PARM1: variants seen among roughly 807,000 people sequenced by gnomAD.
The protein encoded by PARM1 is WSC4, cell wall integrity and stress response component 4 homolog.
Under a neutral mutation model 24.6 loss-of-function variants are expected in PARM1, and 14 were observed. That is an observed-to-expected ratio of 0.57 (90% CI 0.38 to 0.89). The LOEUF (loss-of-function observed/expected upper bound fraction) is 0.89. Among genes scored for constraint, PARM1 ranks in the 40% least tolerant of loss-of-function variants. The pLI, the probability that PARM1 is intolerant of heterozygous loss-of-function variation, is 0.00. For synonymous variants in PARM1, 179 were observed against 156.6 expected (o/e 1.14, Z -1.07); for missense variants, 362 against 380.4 (o/e 0.95, Z 0.40).
intron 1 of PARM1, among the ~76,000 whole-genome samples, chr4:74,941,711 G>A (rs1439502456): frequency 3.3e-5 from 5 of 152,188 alleles, no homozygotes; most frequent in African/African-American, 4.8e-5. Flanking sequence ...AGGTAACCTC[G>A]GCATCATGAA....
intron 1 of PARM1, among the ~76,000 whole-genome samples, chr4:74,990,752 A>G (rs1375051637): frequency 4.6e-5 from 7 of 152,182 alleles, no homozygotes; most frequent in Admixed American, 3.9e-4. Context: ...CCAGATGGCA[A>G]AATTTTTCAC....
intron 1 of PARM1, among the ~76,000 whole-genome samples, chr4:74,962,797 T>C (rs915999077): frequency 6.6e-6 from 1 of 152,034 alleles, no homozygotes; most frequent in African/African-American, 2.4e-5. Flanking sequence ...GGGTGTAGAG[T>C]TTCAGTTTTG....
At chr4:74,979,088 A>T in intron 1 of PARM1, among the ~76,000 whole-genome samples, 1 of 152,016 alleles carries the variant, frequency 6.6e-6, no homozygotes, top group African/African-American at 2.4e-5. Context: ...AACTAACAGA[A>T]ATAAGAAACA....
At chr4:75,025,907 A>G (rs1723174910) in intron 2 of PARM1, among the ~76,000 whole-genome samples, 1 of 152,224 alleles carries the variant, frequency 6.6e-6, no homozygotes, top group Non-Finnish European at 1.5e-5. Context: ...ACTAGCATGT[A>G]GATAAGAGTA....
chr4:74,993,362 A>G (rs1277182624), intron 1 of PARM1, among the ~76,000 whole-genome samples: 1 of 152,070 alleles, frequency 6.6e-6, no homozygotes, highest in Non-Finnish European at 1.5e-5. Flanking sequence ...TTTCTTCCCC[A>G]ATTGAGCCTA....
At chr4:75,010,977 T>G (rs1722859207) in intron 1 of PARM1, among the ~76,000 whole-genome samples, 1 of 152,130 alleles carries the variant, frequency 6.6e-6, no homozygotes, top group Non-Finnish European at 1.5e-5. Context: ...CTCATGGAGC[T>G]TTACTTATGG....
At chr4:75,006,921 A>G (rs1402271912) in intron 1 of PARM1, among the ~76,000 whole-genome samples, 2 of 152,222 alleles carry the variant, frequency 1.3e-5, no homozygotes, top group Non-Finnish European at 2.9e-5. Context: ...AGAAACTACC[A>G]TCAGAGTGAA....
rs143243397 is a variant in PARM1 at position 75,017,212 on chromosome 4, A to G, written c.769+4062A>G. Among the ~76,000 whole-genome samples, 272 of 152,200 alleles carry G rather than the reference A, an allele frequency of 1.8e-3. 2 individuals carry two copies. Among genetic ancestry groups the G allele is most frequent in the Non-Finnish European group, 2.9e-3 (199 of 68,024 alleles). On this transcript the variant is annotated intron_variant, in intron 2 of 3. Coordinates refer to ENST00000307428, the MANE Select transcript of PARM1 (RefSeq NM_015393.4). ...CACCCTTGTCGGGCAGATCTTTTCAAAACTCAGAACAGACTCCACTATCCA... is the reference window on the plus strand; with the variant it reads ...CACCCTTGTCGGGCAGATCTTTTCAGAACTCAGAACAGACTCCACTATCCA...
intron 3 of PARM1, 34 bp downstream of exon 3, chr4:75,033,995 T>A (rs1723323800): frequency 6.5e-7 from 1 of 1,527,680 alleles, no homozygotes; most frequent in Non-Finnish European, 8.9e-7. Flanking sequence ...AAAAAGGGAT[T>A]CTGTTTTGTT....
intron 1 of PARM1, among the ~76,000 whole-genome samples, chr4:74,998,785 G>A (rs1722621934): frequency 6.6e-6 from 1 of 152,254 alleles, no homozygotes; most frequent in South Asian, 2.1e-4. Flanking sequence ...TTTATTCAGG[G>A]AAAGAATGAA....
At chr4:75,039,103 T>G (rs1241515944) in intron 3 of PARM1, among the ~76,000 whole-genome samples, 1 of 152,362 alleles carries the variant, frequency 6.6e-6, no homozygotes, top group Admixed American at 6.5e-5. Context: ...GGCCAAGATC[T>G]TCTAGAATTT....
intron 1 of PARM1, among the ~76,000 whole-genome samples, chr4:75,011,254 T>G (rs1296989736): frequency 6.6e-6 from 1 of 152,168 alleles, no homozygotes; most frequent in Non-Finnish European, 1.5e-5. Flanking sequence ...GTGACTATAA[T>G]GGCTCAGGGG....
At chr4:75,024,347 C>T (rs762235981) in intron 2 of PARM1, among the ~76,000 whole-genome samples, 1 of 152,130 alleles carries the variant, frequency 6.6e-6, no homozygotes, top group Non-Finnish European at 1.5e-5. Context: ...CTAGGAGGTC[C>T]CTGAGTCCTT....
intron 1 of PARM1, among the ~76,000 whole-genome samples, chr4:74,991,956 T>C (rs1297948121): frequency 6.6e-6 from 1 of 152,170 alleles, no homozygotes; most frequent in Non-Finnish European, 1.5e-5. Context: ...CCAGACCTGC[T>C]CCTTGTGTTC....
At chr4:75,029,051 C>A (rs1382806830) in intron 2 of PARM1, among the ~76,000 whole-genome samples, 3 of 152,112 alleles carry the variant, frequency 2.0e-5, no homozygotes, top group Non-Finnish European at 4.4e-5. Context: ...TGAACAGAAC[C>A]CCTTCTGAGT....
chr4:75,010,125 G>A (rs1222907529), intron 1 of PARM1, among the ~76,000 whole-genome samples: 2 of 152,092 alleles, frequency 1.3e-5, no homozygotes, highest in African/African-American at 4.8e-5. Flanking sequence ...GTGTATGAAC[G>A]GATAAACAAA....
chr4:75,037,747 A>G (rs1012732989), intron 3 of PARM1, among the ~76,000 whole-genome samples: 1 of 152,164 alleles, frequency 6.6e-6, no homozygotes, highest in African/African-American at 2.4e-5. Context: ...TCTACTTACT[A>G]TTTAGGCGGC....
intron 1 of PARM1, among the ~76,000 whole-genome samples, chr4:74,977,149 TAAC>T (rs1722154346): frequency 6.6e-6 from 1 of 152,118 alleles, no homozygotes; most frequent in Non-Finnish European, 1.5e-5. Flanking sequence ...AGGTGGGTAA[TAAC>T]AAACTTTACT....
rs1723656710 is a variant in PARM1, at chr4:75,048,535, T to G, written c.*2288T>G. 6.6e-6 allele frequency: 1 copy of G among 152,166 alleles called. No individual in the cohort carries two copies. The allele number at this position is 152,166 out of a possible 1,614,324, so 9.4% of individuals were successfully genotyped here. On this transcript the variant is annotated 3_prime_UTR_variant, in exon 4 of 4. Coordinates refer to ENST00000307428, the MANE Select transcript of PARM1 (RefSeq NM_015393.4). Reference sequence around the variant, plus strand: ...TTCTTTCTCCATCGGCCAAAAACATTTTGACACAATGTTTGTGAAACACCT... The same window carrying G: ...TTCTTTCTCCATCGGCCAAAAACATGTTGACACAATGTTTGTGAAACACCT...
Sources: allele counts gnomAD v4.1 joint callset (sites outside exome capture counted in the v4.1 genomes callset), GRCh38; gene constraint gnomAD v4.1.1; transcripts MANE v1.5; gene names NCBI Gene and HGNC (gene_info 2026-07-23, HGNC 2026-07-21).